Variants in ANO7 observed in about 807,000 individuals in gnomAD.
ANO7 encodes anoctamin-7.
ANO7 carries 114 observed loss-of-function variants against 115.8 expected under a neutral mutation model. That is an observed-to-expected ratio of 0.98 (90% CI 0.85 to 1.15). The LOEUF (loss-of-function observed/expected upper bound fraction) is 1.15, where lower values mean the gene tolerates loss of function less well. ANO7 is among the 50% of genes most tolerant of loss of function. ANO7 has a pLI of 0.00. For synonymous variants in ANO7, 550 were observed against 498.2 expected (o/e 1.10, Z -1.38); for missense variants, 1,302 against 1,201.2 (o/e 1.08, Z -1.24).
At chr2:241,233,881 G>C in the ANO7 span, 3 of 1,614,184 alleles carry the variant, frequency 1.9e-6, no homozygotes, top group Non-Finnish European at 2.5e-6. The surrounding 1 kb of genome is among the most constrained non-coding windows in gnomAD (Gnocchi z 4.3). Flanking sequence ...CCGGATTTGG[G>C]TAATTACTGC....
At chr2:241,195,090 G>A (rs900803230) in intron 3 of ANO7, among the ~76,000 whole-genome samples, 7 of 152,156 alleles carry the variant, frequency 4.6e-5, no homozygotes, top group East Asian at 1.9e-4. Context: ...CGGTGGCTCC[G>A]TCTTCTTCCC....
chr2:241,229,913 G>A, downstream of ANO7: 2 of 1,601,520 alleles, frequency 1.2e-6, no homozygotes, highest in Non-Finnish European at 1.7e-6. Context: ...TCGTGTGCTG[G>A]GGGTTTCATG....
downstream of ANO7, among the ~76,000 whole-genome samples, chr2:241,226,425 C>T (rs1047274577): frequency 4.0e-5 from 6 of 151,024 alleles, no homozygotes; most frequent in East Asian, 1.9e-4. Context: ...TAAACATGTT[C>T]GGCATTTTTT....
chr2:241,191,569 C>T (rs2068204001), intron 3 of ANO7, among the ~76,000 whole-genome samples: 1 of 147,900 alleles, frequency 6.8e-6, no homozygotes, highest in Admixed American at 6.8e-5. Flanking sequence ...TCATTTCTGA[C>T]TCTTATCTCT....
chr2:241,206,178 C>G (rs112553737), intron 10 of ANO7, among the ~76,000 whole-genome samples: 1 of 25,344 alleles, frequency 3.9e-5, no homozygotes, highest in Non-Finnish European at 6.8e-5. Flanking sequence ...ATGCTCCCAG[C>G]CTGACACAGG....
chr2:241,207,687 G>A lies in ANO7; in HGVS notation c.1077+17G>A, dbSNP rs745967529. 6.2e-7 allele frequency: 1 copy of A among 1,611,788 alleles called. No homozygotes were observed. Among genetic ancestry groups the A allele is most frequent in the Non-Finnish European group, 8.5e-7 (1 of 1,178,944 alleles). On this transcript the variant is annotated intron_variant, in intron 11 of 24. Coordinates refer to ENST00000674324, the MANE Select transcript of ANO7 (RefSeq NM_001370694.2). ...CTGGCCCAGGTACGAGAAGAGGTGG[G>A]TGGGGTAAGGGATTTGAGAGTCGGG...
Position 241,224,583 on chromosome 2 carries a change from T to G in ANO7, c.*430T>G. 1 of 199,122 alleles carries G rather than the reference T, an allele frequency of 5.0e-6. No homozygotes were observed. Among genetic ancestry groups the G allele is most frequent in the Non-Finnish European group, 1.0e-5 (1 of 96,120 alleles). 12.3% of individuals were successfully genotyped at this position (199,122 alleles called of 1,614,324 possible). A position where few individuals can be genotyped will look rare whatever the true frequency, so the allele number is the denominator to read the frequency against. ...CAGAGCGCAGGGCCGTTCTCCCTCG[T>G]GTCCTCTGGACCCACCCGCCCCTTC... On this transcript the variant is annotated 3_prime_UTR_variant, in exon 25 of 25. Coordinates refer to ENST00000674324, the MANE Select transcript of ANO7 (RefSeq NM_001370694.2).
downstream of ANO7, chr2:241,230,677 C>G: frequency 8.3e-7 from 1 of 1,206,944 alleles, no homozygotes; most frequent in East Asian, 2.5e-5. The surrounding 1 kb of genome is among the most constrained non-coding windows in gnomAD (Gnocchi z 5.0). Context: ...GAGGGGAAGG[C>G]CATGCCCTGC....
chr2:241,239,700 G>A, the ANO7 span: 2 of 1,614,068 alleles, frequency 1.2e-6, no homozygotes, highest in Non-Finnish European at 1.7e-6. The surrounding 1 kb of genome is among the most constrained non-coding windows in gnomAD (Gnocchi z 4.6). Context: ...CCAGAGCGTG[G>A]GAAGCTGACC....
At chr2:241,236,307 A>C in the ANO7 span, 1 of 388,224 alleles carries the variant, frequency 2.6e-6, no homozygotes, top group Non-Finnish European at 4.7e-6. Flanking sequence ...TGGAGGTCAC[A>C]TTCATCCCCC....
chr2:241,230,055 A>G, downstream of ANO7: 1 of 1,582,292 alleles, frequency 6.3e-7, no homozygotes, highest in South Asian at 1.1e-5. This position sits in a 1 kb window ranked among gnomAD's most constrained non-coding sequence, Gnocchi z 5.0. Flanking sequence ...TGCCTCTGGA[A>G]ACACAAGTGC....
At chr2:241,205,681 C>T (rs2068577196) in intron 10 of ANO7, among the ~76,000 whole-genome samples, 1 of 114,286 alleles carries the variant, frequency 8.7e-6, no homozygotes, top group Non-Finnish European at 1.8e-5. Context: ...CAGGAGTGCT[C>T]CAAGGCTGAC....
chr2:241,235,892 C>T, the ANO7 span, among the ~76,000 whole-genome samples: 127,030 of 151,936 alleles, frequency 0.84, 53,459 homozygotes, highest in East Asian at 0.95. Context: ...GGCACATCCT[C>T]GGGGTCATGA....
rs1283819556 is a variant in ANO7, at chr2:241,225,864, TG to T, written c.*1715del. Among the ~76,000 whole-genome samples the T allele has an allele frequency of 6.6e-6, 1 of 152,128 alleles. No individual in the cohort carries two copies. Among genetic ancestry groups the T allele is most frequent in the Non-Finnish European group, 1.5e-5 (1 of 68,012 alleles). ...GGGAACCTTGGAAACTTTACACAGA[TG>T]GGGAGCTCAGCCATTCCACGTGTGC... On this transcript the variant is annotated 3_prime_UTR_variant, in exon 25 of 25. Transcript: ENST00000674324.
Position 241,200,076 on chromosome 2 carries a change from C to T in ANO7, c.418-13C>T, listed in dbSNP as rs2013250. ...TCCCGGGAGTGGGAGGAGCCACTGA[C>T]GTTTCCTTCCAGGAGTTACCCAACC... On this transcript the variant is annotated splice_polypyrimidine_tract_variant and intron_variant, in intron 5 of 24. Transcript: ENST00000674324. 0.75 allele frequency: 1,200,624 copies of T among 1,609,296 alleles called. 462,719 individuals carry two copies. The highest frequency in any genetic ancestry group is 0.8 in the Non-Finnish European group (947,224 of 1,179,448).
At chr2:241,199,247 T>C in intron 4 of ANO7, 69 bp from the exon 5 acceptor site, 1 of 1,348,092 alleles carries the variant, frequency 7.4e-7, no homozygotes, top group Non-Finnish European at 1.1e-6. Context: ...AGAGTGCGAA[T>C]GGACACACAC....
At chr2:241,234,275 T>C in the ANO7 span, among the ~76,000 whole-genome samples, 1 of 152,114 alleles carries the variant, frequency 6.6e-6, no homozygotes, top group Admixed American at 6.5e-5. Flanking sequence ...GGGGCCCCGC[T>C]CTCCTCATTT....
chr2:241,194,263 A>T (rs930956806), intron 3 of ANO7, among the ~76,000 whole-genome samples: 12 of 148,244 alleles, frequency 8.1e-5, no homozygotes, highest in African/African-American at 2.7e-4. Context: ...TACTTGGAAA[A>T]TTTCACTGCC....
chr2:241,195,260 G>A (rs1204023380), intron 3 of ANO7, among the ~76,000 whole-genome samples: 5 of 152,322 alleles, frequency 3.3e-5, no homozygotes, highest in African/African-American at 9.6e-5. Context: ...CTTATCTGGA[G>A]CGCCTGAGCC....
Sources: allele counts gnomAD v4.1 joint callset (sites outside exome capture counted in the v4.1 genomes callset), GRCh38; gene constraint gnomAD v4.1.1; non-coding constraint Gnocchi (gnomAD v3.1); transcripts MANE v1.5; gene names NCBI Gene and HGNC (gene_info 2026-07-23, HGNC 2026-07-21).